Variants in AHCTF1 observed in about 807,000 individuals in gnomAD.
The protein encoded by AHCTF1 is protein ELYS.
In AHCTF1, 24 loss-of-function variants were observed where a neutral mutation model predicts 248.4. The ratio of observed to expected loss-of-function variants is 0.10; its 90% CI spans 0.07 to 0.14. The LOEUF (loss-of-function observed/expected upper bound fraction) is 0.14, where lower values mean the gene tolerates loss of function less well. AHCTF1 is among the 10% of genes least tolerant of loss of function. AHCTF1 has a pLI of 1.00. For synonymous variants in AHCTF1, 786 were observed against 929.8 expected, an observed-to-expected ratio of 0.85 and a Z score of 2.81; for missense variants, 2,206 against 2,636.2, an observed-to-expected ratio of 0.84 and a Z score of 3.57.
intron 2 of AHCTF1, 145 bp downstream of exon 2, chr1:246,918,105 T>C (rs548205223): frequency 9.9e-6 from 6 of 607,972 alleles, no homozygotes; most frequent in South Asian, 6.3e-5. Context: ...ATAGATGTTA[T>C]ATATGTAACT....
chr1:246,892,564 G>A (rs972093229), intron 14 of AHCTF1, among the ~76,000 whole-genome samples: 19 of 151,860 alleles, frequency 1.3e-4, no homozygotes, highest in East Asian at 5.8e-4. Context: ...CAGGTGATCC[G>A]CCCGCCTCGG....
intron 33 of AHCTF1, among the ~76,000 whole-genome samples, chr1:246,845,158 A>G (rs1660156275): frequency 1.3e-5 from 2 of 152,348 alleles, no homozygotes; most frequent in Admixed American, 1.3e-4. Context: ...GGGATAGTCA[A>G]GAGTTCTATC....
In AHCTF1 at chr1:246,896,945, G is replaced by C. The variant is rs562279053; in HGVS notation, c.1624-1020C>G. Among the ~76,000 whole-genome samples, 9 of 152,292 alleles carry C rather than the reference G, an allele frequency of 5.9e-5. No individual in the cohort carries two copies. The East Asian group carries it at 1.2e-3, about 20-fold the overall frequency. On this transcript the variant is annotated intron_variant, in intron 12 of 35. Coordinates refer to ENST00000648844, the MANE Select transcript of AHCTF1 (RefSeq NM_001323342.2). ...CTGAAGCCATTTATATTTAATACCA[G>C]GGACAAAACAGAAACGTCTGCTACT...
At chr1:246,923,837 T>G (rs1255398045) in intron 1 of AHCTF1, among the ~76,000 whole-genome samples, 1 of 152,084 alleles carries the variant, frequency 6.6e-6, no homozygotes, top group Admixed American at 6.6e-5. Context: ...TCAGTGTGTG[T>G]GGGGTGAAGT....
chr1:246,903,661 C>CG (rs1342338018), intron 7 of AHCTF1, among the ~76,000 whole-genome samples: 1 of 120,726 alleles, frequency 8.3e-6, no homozygotes, highest in African/African-American at 3.1e-5. Flanking sequence ...GACCCCCCCC[C>CG]CTCCGTCTCT....
intron 29 of AHCTF1, 112 bp from the exon 30 acceptor site, chr1:246,857,926 G>A: frequency 1.1e-6 from 1 of 939,974 alleles, no homozygotes; most frequent in Non-Finnish European, 1.6e-6. Flanking sequence ...TGTTCTTTTA[G>A]GTTTGCTGCT....
intron 33 of AHCTF1, among the ~76,000 whole-genome samples, chr1:246,844,143 G>A (rs1461451171): frequency 1.3e-5 from 2 of 152,116 alleles, no homozygotes; most frequent in Admixed American, 6.6e-5. Context: ...TAGGACGATT[G>A]AATGCTTCAA....
chr1:246,904,686 G>C (rs780090219), intron 6 of AHCTF1, among the ~76,000 whole-genome samples: 2 of 152,194 alleles, frequency 1.3e-5, no homozygotes, highest in Non-Finnish European at 2.9e-5. Context: ...AATCAACCCT[G>C]TAGTGAACTC....
At chr1:246,922,040 T>C in intron 1 of AHCTF1, among the ~76,000 whole-genome samples, 1 of 152,346 alleles carries the variant, frequency 6.6e-6, no homozygotes, top group African/African-American at 2.4e-5. Flanking sequence ...TGGTATATTT[T>C]AGACTTTGTT....
At chr1:246,907,781 T>C (rs770313761) in intron 4 of AHCTF1, 23 bp from the exon 5 acceptor site, 48 of 1,591,816 alleles carry the variant, frequency 3.0e-5, no homozygotes, top group Non-Finnish European at 4.0e-5. Flanking sequence ...ATTAGACAAA[T>C]GAAGTTAAAA....
Position 246,843,912 on chromosome 1 carries a change from A to G in AHCTF1, c.6408T>C (p.Val2136=). 1 of 1,469,354 alleles carries G rather than the reference A, an allele frequency of 6.8e-7. No individual in the cohort carries two copies. The highest frequency in any genetic ancestry group is 9.0e-7 in the Non-Finnish European group (1 of 1,108,918). 91.0% of individuals were successfully genotyped at this position (1,469,354 alleles called of 1,614,324 possible). A position where few individuals can be genotyped will look rare whatever the true frequency, so the allele number is the denominator to read the frequency against. ...PRKAKAKKIE[V]PAQLKELVSD... Reference sequence around the variant, plus strand: ...AAACTAATTCTTTCAGCTGTGCAGGAACCTCTATTTTTTTAGCTAAAAAAA... The same window carrying G: ...AAACTAATTCTTTCAGCTGTGCAGGGACCTCTATTTTTTTAGCTAAAAAAA... The change falls in exon 34 of 36, where the codon GTT becomes GTC. Residue 2136 remains valine (V), a synonymous_variant. Coordinates refer to ENST00000648844, the MANE Select transcript of AHCTF1 (RefSeq NM_001323342.2).
intron 29 of AHCTF1, 87 bp downstream of exon 29, chr1:246,860,812 G>A: frequency 6.6e-7 from 1 of 1,511,622 alleles, no homozygotes; most frequent in Non-Finnish European, 8.9e-7. Flanking sequence ...TGGCTAGGAT[G>A]CTTTTCTTAT....
chr1:246,901,880 T>C (rs961298562), intron 8 of AHCTF1, among the ~76,000 whole-genome samples: 2 of 152,176 alleles, frequency 1.3e-5, no homozygotes, highest in South Asian at 2.1e-4. Flanking sequence ...CATGACAACA[T>C]GTGCTTTTCA....
intron 9 of AHCTF1, 43 bp from the exon 10 acceptor site, chr1:246,900,289 C>T: frequency 6.3e-7 from 1 of 1,584,926 alleles, no homozygotes; most frequent in South Asian, 1.2e-5. Flanking sequence ...TGGTCAGCTA[C>T]ACATACAAAT....
intron 1 of AHCTF1, chr1:246,931,190 C>A (rs1558292368): frequency 1.3e-6 from 2 of 1,550,298 alleles, no homozygotes; most frequent in Non-Finnish European, 1.7e-6. Context: ...AGCACGCCGG[C>A]CGCTTCCCTC....
At chr1:246,919,113 G>A (rs1029957166) in intron 1 of AHCTF1, among the ~76,000 whole-genome samples, 1 of 152,136 alleles carries the variant, frequency 6.6e-6, no homozygotes, top group African/African-American at 2.4e-5. Context: ...AATACAGAAA[G>A]ATTTTAGCCA....
intron 26 of AHCTF1, among the ~76,000 whole-genome samples, chr1:246,865,973 C>T (rs1187241604): frequency 6.6e-6 from 1 of 151,934 alleles, no homozygotes; most frequent in Non-Finnish European, 1.5e-5. Context: ...TTACCATAAT[C>T]CATATAAAGA....
intron 24 of AHCTF1, among the ~76,000 whole-genome samples, chr1:246,875,636 C>T (rs1662882650): frequency 6.6e-6 from 1 of 152,214 alleles, no homozygotes; most frequent in Non-Finnish European, 1.5e-5. Flanking sequence ...CCTCAACCTT[C>T]AGTAGTCACC....
intron 1 of AHCTF1, among the ~76,000 whole-genome samples, chr1:246,922,531 T>C (rs571560737): frequency 4.0e-5 from 6 of 150,240 alleles, no homozygotes; most frequent in Non-Finnish European, 7.4e-5. Flanking sequence ...GCTCTAGCAA[T>C]CTCTCGTCTC....
Sources: allele counts gnomAD v4.1 joint callset (sites outside exome capture counted in the v4.1 genomes callset), GRCh38; gene constraint gnomAD v4.1.1; transcripts MANE v1.5; gene names NCBI Gene and HGNC (gene_info 2026-07-23, HGNC 2026-07-21).